The following PPAT variants were observed in gnomAD, a reference collection of about 807,000 sequenced individuals.
The protein encoded by PPAT is phosphoribosyl pyrophosphate amidotransferase, also known as amidophosphoribosyltransferase.
PPAT carries 20 observed loss-of-function variants against 60.2 expected under a neutral mutation model. That is an observed-to-expected ratio of 0.33 (90% confidence interval 0.23 to 0.48). PPAT has a LOEUF of 0.48. PPAT is among the 20% of genes least tolerant of loss of function. The probability of loss-of-function intolerance (pLI) is 0.99; values close to 1 mark genes in which losing one functional copy is unlikely to be tolerated. For synonymous variants in PPAT, 194 were observed against 215.1 expected (o/e 0.90, Z 0.86); for missense variants, 349 against 629.6 (o/e 0.55, Z 4.77).
intron 1 of PPAT, chr4:56,410,897 G>C: frequency 5.7e-6 from 1 of 175,998 alleles, no homozygotes; most frequent in Non-Finnish European, 6.8e-6. Context: ...GACCACTGAA[G>C]GTAAAAAAAA....
At position 56,417,835 on chromosome 4, in the gene PPAT, G is replaced by GTTTTT. The variant is rs1207160039; in HGVS notation, c.129-10124_129-10120dup. Among the ~76,000 whole-genome samples the GTTTTT allele has an allele frequency of 1.6e-3, 166 of 102,530 alleles. 6 individuals are homozygous for GTTTTT. The highest frequency in any genetic ancestry group is 5.5e-3 in the African/African-American group (157 of 28,718). 67.3% of individuals were successfully genotyped at this position (102,530 alleles called of 152,430 possible). ...ATCTTCGGTATAATTTGAAGATTTG[G>GTTTTT]TTTTTTGTTTTTTTTTTTTTTTTTG... On this transcript the variant is annotated intron_variant, in intron 1 of 10. Coordinates refer to ENST00000264220, the MANE Select transcript of PPAT (RefSeq NM_002703.5).
intron 1 of PPAT, among the ~76,000 whole-genome samples, chr4:56,417,927 C>T (rs1716851394): frequency 6.7e-6 from 1 of 149,960 alleles, no homozygotes; most frequent in Non-Finnish European, 1.5e-5. Context: ...TGCAATCCTG[C>T]CTCCCAGGTT....
chr4:56,406,117 G>C (rs546278509), intron 3 of PPAT, among the ~76,000 whole-genome samples: 1 of 152,296 alleles, frequency 6.6e-6, no homozygotes, highest in Non-Finnish European at 1.5e-5. Flanking sequence ...CTGAGTCTGA[G>C]AATAGGAAAA....
intron 8 of PPAT, 41 bp from the exon 9 acceptor site, chr4:56,399,441 C>T (rs776314608): frequency 2.1e-6 from 3 of 1,404,078 alleles, no homozygotes; most frequent in Non-Finnish European, 3.0e-6. Flanking sequence ...GAGTAATATA[C>T]AGAATAGGCA....
intron 1 of PPAT, chr4:56,410,417 C>A: frequency 1.8e-6 from 1 of 552,140 alleles, no homozygotes; most frequent in Non-Finnish European, 2.3e-6. Context: ...AAACTACATC[C>A]TTTCAGCTCT....
chr4:56,426,020 A>G (rs1560649394), intron 1 of PPAT, among the ~76,000 whole-genome samples: 1 of 152,190 alleles, frequency 6.6e-6, no homozygotes, highest in Non-Finnish European at 1.5e-5. Flanking sequence ...TCACCCAACT[A>G]AAGCGTATAA....
intron 1 of PPAT, chr4:56,419,649 A>G: frequency 2.0e-6 from 2 of 983,638 alleles, no homozygotes; most frequent in Non-Finnish European, 1.2e-6. Flanking sequence ...CTCTAATAAT[A>G]CAACTTTTAT....
rs1201110171 is a variant in PPAT at position 56,396,213 on chromosome 4, C to T, written c.1357+406G>A. 2.0e-5 allele frequency: 3 copies of T among 153,644 alleles called. No individual in the cohort carries two copies. The highest frequency in any genetic ancestry group is 4.8e-5 in the African/African-American group (2 of 41,440). 9.5% of individuals were successfully genotyped at this position (153,644 alleles called of 1,614,324 possible). Reference sequence around the variant, plus strand: ...GTCTTACCCAGGATAACTTAGATCTCGAAGTCTCCTTATCTCATTATTGAA... The same window carrying T: ...GTCTTACCCAGGATAACTTAGATCTTGAAGTCTCCTTATCTCATTATTGAA... On this transcript the variant is annotated intron_variant, in intron 10 of 10. Coordinates refer to ENST00000264220, the MANE Select transcript of PPAT (RefSeq NM_002703.5). This position sits in a 1 kb window ranked among gnomAD's most constrained non-coding sequence, Gnocchi z 4.6.
At chr4:56,416,811 G>C (rs1044883939) in intron 1 of PPAT, among the ~76,000 whole-genome samples, 1 of 152,070 alleles carries the variant, frequency 6.6e-6, no homozygotes, top group African/African-American at 2.4e-5. Context: ...AGGATAATTT[G>C]AATCACCCAA....
chr4:56,417,514 A>AGG (rs1716819953), intron 1 of PPAT, among the ~76,000 whole-genome samples: 1 of 152,168 alleles, frequency 6.6e-6, no homozygotes, highest in African/African-American at 2.4e-5. Flanking sequence ...AGGCACAGTG[A>AGG]CTCACACCTG....
intron 1 of PPAT, 68 bp downstream of exon 1, chr4:56,435,282 G>T (rs1282145842): frequency 6.3e-7 from 1 of 1,599,210 alleles, no homozygotes; most frequent in African/African-American, 1.3e-5. Flanking sequence ...TCATGAGAAC[G>T]CCGACTGCGG....
intron 3 of PPAT, 142 bp downstream of exon 3, chr4:56,406,353 C>A: frequency 1.2e-6 from 1 of 829,320 alleles, no homozygotes; most frequent in African/African-American, 1.7e-5. Context: ...TACTCCAGAT[C>A]ATTCTGATGC....
intron 1 of PPAT, among the ~76,000 whole-genome samples, chr4:56,428,347 T>C (rs1022648513): frequency 5.3e-5 from 8 of 152,086 alleles, no homozygotes; most frequent in African/African-American, 1.2e-4. Flanking sequence ...AGCATTGATA[T>C]GGTCTGATGA....
At chr4:56,435,218 C>T in intron 1 of PPAT, 132 bp downstream of exon 1, 1 of 1,345,362 alleles carries the variant, frequency 7.4e-7, no homozygotes, top group Non-Finnish European at 1.0e-6. Context: ...GTCGACGCCA[C>T]AGGCAGGTAC....
chr4:56,400,349 T>C lies in PPAT; in HGVS notation c.1014+435A>G, dbSNP rs557209448. 2.6e-5 allele frequency: 4 copies of C among 154,214 alleles called. No individual in the cohort carries two copies. In the South Asian group the frequency reaches 8.0e-4, roughly 31 times the overall value. 9.6% of individuals were successfully genotyped at this position (154,214 alleles called of 1,614,324 possible). A position where few individuals can be genotyped will look rare whatever the true frequency, so the allele number is the denominator to read the frequency against. Reference sequence around the variant, plus strand: ...GCAAGAATACAGCATATAATACATATACAAAATATGTTAATCAACTGTTTA... The same window carrying C: ...GCAAGAATACAGCATATAATACATACACAAAATATGTTAATCAACTGTTTA... On this transcript the variant is annotated intron_variant, in intron 8 of 10. Coordinates refer to ENST00000264220, the MANE Select transcript of PPAT (RefSeq NM_002703.5).
chr4:56,433,175 G>T (rs1652720303), intron 1 of PPAT, among the ~76,000 whole-genome samples: 1 of 151,760 alleles, frequency 6.6e-6, no homozygotes, highest in South Asian at 2.1e-4. Flanking sequence ...GTAAAATTTT[G>T]AATTGATTAT....
chr4:56,410,969 A>C (rs1214691399), intron 1 of PPAT: 1 of 959,424 alleles, frequency 1.0e-6, no homozygotes, highest in Non-Finnish European at 1.2e-6. Context: ...CAGTTTTATG[A>C]ACTGTAAAAG....
At chr4:56,428,075 A>G (rs929533314) in intron 1 of PPAT, among the ~76,000 whole-genome samples, 10 of 152,238 alleles carry the variant, frequency 6.6e-5, no homozygotes, top group African/African-American at 2.4e-4. Context: ...AGTCTGTCTT[A>G]TAATTTTTAG....
intron 10 of PPAT, among the ~76,000 whole-genome samples, chr4:56,395,824 T>A (rs1715955825): frequency 6.6e-6 from 1 of 152,116 alleles, no homozygotes; most frequent in South Asian, 2.1e-4. Flanking sequence ...GTAATTTTCT[T>A]AATTGAAAAA....
Sources: gnomAD v4.1 joint callset for allele counts (sites outside exome capture counted in the v4.1 genomes callset) on GRCh38, gnomAD v4.1.1 for gene constraint, Gnocchi (gnomAD v3.1) non-coding constraint, MANE v1.5 for transcripts, NCBI Gene and HGNC (gene_info 2026-07-23, HGNC 2026-07-21) for gene names.